LRRC2: variants seen among roughly 807,000 people sequenced by gnomAD.
LRRC2 encodes the protein leucine rich repeat containing 2.
In LRRC2, 27 loss-of-function variants were observed where a neutral mutation model predicts 40.2. The ratio of observed to expected loss-of-function variants is 0.67; its 90% CI spans 0.49 to 0.93. The LOEUF is 0.93. Among genes scored for constraint, LRRC2 ranks in the 40% least tolerant of loss-of-function variants. The pLI is 0.00. For synonymous variants in LRRC2, 147 were observed against 158.9 expected, an observed-to-expected ratio of 0.92 and a Z score of 0.56; for missense variants, 402 against 439.6, an observed-to-expected ratio of 0.91 and a Z score of 0.76.
At chr3:46,541,332 CAA>C (rs571449281) in intron 3 of LRRC2, among the ~76,000 whole-genome samples, 11 of 63,914 alleles carry the variant, frequency 1.7e-4, no homozygotes, top group Admixed American at 5.2e-4. Flanking sequence ...GACTCCGTCT[CAA>C]AAAAAAAAAA....
intron 1 of LRRC2, among the ~76,000 whole-genome samples, chr3:46,565,505 A>G (rs1300955145): frequency 6.6e-6 from 1 of 152,224 alleles, no homozygotes; most frequent in African/African-American, 2.4e-5. Flanking sequence ...GAGGTATGTG[A>G]GCATCCGAGG....
intron 4 of LRRC2, among the ~76,000 whole-genome samples, chr3:46,536,519 A>G (rs1182496119): frequency 6.6e-6 from 1 of 152,276 alleles, no homozygotes; most frequent in Non-Finnish European, 1.5e-5. Context: ...TCCCCCACGG[A>G]TACCCCTCAC....
intron 6 of LRRC2, among the ~76,000 whole-genome samples, chr3:46,529,074 A>G (rs112739273): frequency 6.6e-6 from 1 of 151,908 alleles, no homozygotes; most frequent in African/African-American, 2.4e-5. Context: ...CCATGACTGC[A>G]CTACTGCACT....
In LRRC2 at chr3:46,551,472, C is replaced by T. The variant is rs367715797; in HGVS notation, c.120G>A (p.Leu40=). Residue 40 remains leucine, a synonymous_variant, in exon 2 of 9, where the codon TTG becomes TTA. Coordinates refer to ENST00000395905, the MANE Select transcript of LRRC2 (RefSeq NM_024512.5). ...KEVERLEKSA[L]EKIKEEWNFV... ...TAGGTTGAGAAAACACGTACTTCTC[C>T]AAGGCGCTCTTCTCAAGCCTTTCCA... 1.1e-5 allele frequency: 17 copies of T among 1,612,394 alleles called. No homozygotes were observed. Among genetic ancestry groups the T allele is most frequent in the Middle Eastern group, 1.6e-4 (1 of 6,080 alleles).
In LRRC2 at chr3:46,551,885, C is replaced by T. The variant is rs147994888; in HGVS notation, c.-19-275G>A. Among the ~76,000 whole-genome samples, 230 of 151,574 alleles carry T rather than the reference C, an allele frequency of 1.5e-3. 1 individual carries two copies. Among genetic ancestry groups the T allele is most frequent in the Non-Finnish European group, 2.7e-3 (184 of 67,898 alleles). On this transcript the variant is annotated intron_variant, in intron 1 of 8. Transcript: ENST00000395905. Reference sequence around the variant, plus strand: ...ACGATCATAGCTCCAACTGCAGCCTCAACCTCCTGGGCTCAGGCAATCTTC... The same window carrying T: ...ACGATCATAGCTCCAACTGCAGCCTTAACCTCCTGGGCTCAGGCAATCTTC...
At chr3:46,520,250 G>A in intron 8 of LRRC2, among the ~76,000 whole-genome samples, 1 of 149,512 alleles carries the variant, frequency 6.7e-6, no homozygotes, top group African/African-American at 2.4e-5. Flanking sequence ...TATTATTGCT[G>A]GCCACATAGA....
At chr3:46,545,741 T>G (rs1339490079) in intron 2 of LRRC2, among the ~76,000 whole-genome samples, 1 of 152,080 alleles carries the variant, frequency 6.6e-6, no homozygotes, top group Non-Finnish European at 1.5e-5. Context: ...CCACCAAACC[T>G]CACCACCCCA....
At chr3:46,536,146 C>T (rs978975741) in intron 4 of LRRC2, among the ~76,000 whole-genome samples, 14 of 152,194 alleles carry the variant, frequency 9.2e-5, no homozygotes, top group African/African-American at 3.1e-4. Context: ...TATAAATAGA[C>T]AGCTACAACG....
intron 1 of LRRC2, 85 bp downstream of exon 1, chr3:46,566,092 C>A (rs1705056177): frequency 6.6e-6 from 1 of 152,368 alleles, no homozygotes. Context: ...GCGCCCGGGG[C>A]ACCGGCCATC....
intron 1 of LRRC2, among the ~76,000 whole-genome samples, chr3:46,555,397 T>C (rs1704769953): frequency 6.6e-6 from 1 of 152,138 alleles, no homozygotes; most frequent in South Asian, 2.1e-4. Flanking sequence ...TTTTATTACT[T>C]TTTTTCTATT....
intron 7 of LRRC2, among the ~76,000 whole-genome samples, chr3:46,523,622 C>T (rs111976002): frequency 6.6e-6 from 1 of 152,160 alleles, no homozygotes; most frequent in Non-Finnish European, 1.5e-5. Context: ...TTTTGCTATA[C>T]TTGCTTTAAC....
chr3:46,551,451 T>C lies in LRRC2; in HGVS notation c.125+16A>G. The stretch of plus-strand genomic sequence containing the variant: ...TCACCAAACAAGCTACAAGACTAGG[T>C]TGAGAAAACACGTACTTCTCCAAGG... On this transcript the variant is annotated intron_variant, in intron 2 of 8. Transcript: ENST00000395905. 1 of 1,611,846 alleles carries C rather than the reference T, an allele frequency of 6.2e-7. No individual in the cohort carries two copies. The highest frequency in any genetic ancestry group is 8.5e-7 in the Non-Finnish European group (1 of 1,179,298).
intron 1 of LRRC2, among the ~76,000 whole-genome samples, chr3:46,556,006 T>G (rs1471313721): frequency 6.6e-6 from 1 of 152,230 alleles, no homozygotes; most frequent in Non-Finnish European, 1.5e-5. Context: ...ACCCTTAGAA[T>G]GTTGTGCCAC....
intron 1 of LRRC2, among the ~76,000 whole-genome samples, chr3:46,563,547 C>T (rs949199826): frequency 1.3e-5 from 2 of 152,208 alleles, no homozygotes; most frequent in African/African-American, 4.8e-5. Flanking sequence ...CTGGAACCCA[C>T]CTTAAATGTT....
intron 7 of LRRC2, among the ~76,000 whole-genome samples, chr3:46,522,675 T>A (rs1703984898): frequency 6.6e-6 from 1 of 151,814 alleles, no homozygotes; most frequent in Non-Finnish European, 1.5e-5. Flanking sequence ...ACGACACTAC[T>A]GCACTCTAGC....
chr3:46,557,094 C>T (rs1232402295), intron 1 of LRRC2, among the ~76,000 whole-genome samples: 1 of 152,232 alleles, frequency 6.6e-6, no homozygotes, highest in Non-Finnish European at 1.5e-5. Context: ...TCCCCTGTGA[C>T]TTGCACGTAT....
At chr3:46,546,871 A>G (rs1704537503) in intron 2 of LRRC2, among the ~76,000 whole-genome samples, 1 of 151,920 alleles carries the variant, frequency 6.6e-6, no homozygotes, top group Non-Finnish European at 1.5e-5. Context: ...GATGCCTGCC[A>G]CAGTTTATAT....
intron 1 of LRRC2, among the ~76,000 whole-genome samples, chr3:46,561,286 C>A (rs1176272748): frequency 6.6e-6 from 1 of 152,136 alleles, no homozygotes; most frequent in East Asian, 1.9e-4. Context: ...CACCTGTAAT[C>A]ACAGCACTTT....
chr3:46,554,177 GC>G (rs1334718563), intron 1 of LRRC2, among the ~76,000 whole-genome samples: 15 of 151,950 alleles, frequency 9.9e-5, no homozygotes, highest in Admixed American at 9.8e-4. Flanking sequence ...GCGCCACTAT[GC>G]CCAGATAATT....
Sources: gnomAD v4.1 joint callset for allele counts (sites outside exome capture counted in the v4.1 genomes callset) on GRCh38, gnomAD v4.1.1 for gene constraint, MANE v1.5 for transcripts, NCBI Gene and HGNC (gene_info 2026-07-23, HGNC 2026-07-21) for gene names.